The following CERT1 variants were observed in gnomAD, a reference collection of about 807,000 sequenced individuals.
CERT1 encodes ceramide transporter 1.
CERT1 carries 31 observed loss-of-function variants against 87.9 expected under a neutral mutation model. The observed-to-expected ratio is 0.35, with a 90% CI of 0.27 to 0.48. The LOEUF is 0.48. Among genes scored for constraint, CERT1 ranks in the 20% least tolerant of loss-of-function variants. The pLI is 0.99. For synonymous variants in CERT1, 289 were observed against 250.9 expected, an observed-to-expected ratio of 1.15 and a Z score of -1.44; for missense variants, 487 against 758.0, an observed-to-expected ratio of 0.64 and a Z score of 4.20.
intron 2 of CERT1, among the ~76,000 whole-genome samples, chr5:75,462,990 C>CAA (rs1174306526): frequency 0.09 from 3,442 of 38,062 alleles, 343 homozygotes; most frequent in African/African-American, 0.19. Context: ...GACTCCGTCT[C>CAA]AAAAAAAAAA....
At chr5:75,386,160 G>A (rs1761776810) in intron 12 of CERT1, 126 bp from the exon 13 acceptor site, 2 of 704,650 alleles carry the variant, frequency 2.8e-6, no homozygotes, top group Non-Finnish European at 2.0e-6. Flanking sequence ...AACATATTCT[G>A]CTAAAAGAAA....
In CERT1 at chr5:75,382,048, T is replaced by C. The variant is rs1165957288; in HGVS notation, c.1518A>G (p.Val506=). 2 of 1,613,898 alleles carry C rather than the reference T, an allele frequency of 1.2e-6. No homozygotes were observed. Among genetic ancestry groups the C allele is most frequent in the Non-Finnish European group, 8.5e-7 (1 of 1,179,940 alleles). ...TCTTTCGAATGACAGAAAGATATAA[T>C]ACGTCTCGCTGAGAAGCAGGCCACA... ...KRVWPASQRD[V]LYLSVIRKIP... The change falls in exon 15 of 17, where the codon GTA becomes GTG. Residue 506 remains valine, a synonymous_variant. Transcript: ENST00000643780.
At chr5:75,510,818 T>G (rs1767924628) in intron 1 of CERT1, among the ~76,000 whole-genome samples, 1 of 152,102 alleles carries the variant, frequency 6.6e-6, no homozygotes, top group Non-Finnish European at 1.5e-5. Context: ...CCGGATTCCT[T>G]ACACCCGGGA....
chr5:75,438,241 T>G (rs1402906445), intron 3 of CERT1, among the ~76,000 whole-genome samples: 1 of 152,194 alleles, frequency 6.6e-6, no homozygotes, highest in Non-Finnish European at 1.5e-5. Flanking sequence ...AAAAGTACTA[T>G]AGGGACCAAA....
In CERT1 at chr5:75,443,355, T is replaced by C. The variant is rs991268924; in HGVS notation, c.348+15710A>G. On this transcript the variant is annotated intron_variant, in intron 3 of 16. Transcript: ENST00000643780. ...AGTGTTTATGGCTATATTTCTCCCT[T>C]AGCACTGCTTTCACTGTATCCTCAA... Among the ~76,000 whole-genome samples the C allele has an allele frequency of 4.6e-5, 7 of 152,234 alleles. 1 individual carries two copies. The highest frequency in any genetic ancestry group is 1.4e-4 in the African/African-American group (6 of 41,470).
In CERT1 at chr5:75,430,027, A is replaced by C. The variant is rs200788522; in HGVS notation, c.349-3549T>G. Reference sequence around the variant, plus strand: ...CAGATGATGGATCTGGTCAAAATGGAAAAAAAAAAGAAAGAGGATGACGAG... The same window carrying C: ...CAGATGATGGATCTGGTCAAAATGGCAAAAAAAAAGAAAGAGGATGACGAG... On this transcript the variant is annotated intron_variant, in intron 3 of 16. Coordinates refer to ENST00000643780, the MANE Select transcript of CERT1 (RefSeq NM_001379029.1). Among the ~76,000 whole-genome samples, 8 of 148,538 alleles carry C rather than the reference A, an allele frequency of 5.4e-5. No individual in the cohort carries two copies. The East Asian group carries it at 7.8e-4, about 15-fold the overall frequency.
intron 8 of CERT1, 136 bp from the exon 9 acceptor site, chr5:75,403,194 T>C (rs1397650264): frequency 1.1e-5 from 7 of 631,036 alleles, no homozygotes; most frequent in Non-Finnish European, 2.0e-5. Context: ...GCAGTCAGTA[T>C]ACTAGATCAT....
chr5:75,374,051 A>G (rs1761185429), downstream of CERT1: 4 of 398,786 alleles, frequency 1.0e-5, no homozygotes, highest in East Asian at 1.4e-4. Flanking sequence ...TGCTATTGCA[A>G]TATTTTGTCA....
At chr5:75,432,173 T>C (rs1237678176) in intron 3 of CERT1, among the ~76,000 whole-genome samples, 5 of 151,044 alleles carry the variant, frequency 3.3e-5, no homozygotes, top group African/African-American at 1.2e-4. Context: ...CGCCTCAGCC[T>C]CCTGAATAGC....
At chr5:75,434,080 G>C (rs928713142) in intron 3 of CERT1, among the ~76,000 whole-genome samples, 6 of 152,058 alleles carry the variant, frequency 3.9e-5, no homozygotes, top group Admixed American at 1.3e-4. Context: ...GTTATCACAG[G>C]GGGTACTTCC....
At chr5:75,497,977 T>C (rs982580154) in intron 2 of CERT1, among the ~76,000 whole-genome samples, 13 of 152,190 alleles carry the variant, frequency 8.5e-5, no homozygotes, top group African/African-American at 2.9e-4. Context: ...ACCAAAATGC[T>C]GATAATGATA....
chr5:75,511,262 G>A lies in CERT1; in HGVS notation c.-55C>T, dbSNP rs748700181. 2.5e-6 allele frequency: 4 copies of A among 1,598,302 alleles called. No individual in the cohort carries two copies. The highest frequency in any genetic ancestry group is 3.4e-6 in the Non-Finnish European group (4 of 1,172,482). ...CCCCCGCTCCCTCAGCTGCGCCGGA[G>A]GAGGCGCCCAGTCCTCGGGGTGAAG... On this transcript the variant is annotated 5_prime_UTR_variant, in exon 1 of 17. Transcript: ENST00000643780.
At chr5:75,483,236 GATAAA>G (rs1204306407) in intron 2 of CERT1, among the ~76,000 whole-genome samples, 1 of 152,024 alleles carries the variant, frequency 6.6e-6, no homozygotes, top group Non-Finnish European at 1.5e-5. Flanking sequence ...AAATCCAATT[GATAAA>G]ATGAAATATA....
At chr5:75,496,644 A>T (rs1477860806) in intron 2 of CERT1, among the ~76,000 whole-genome samples, 1 of 152,252 alleles carries the variant, frequency 6.6e-6, no homozygotes, top group African/African-American at 2.4e-5. Flanking sequence ...AGCAATAAAA[A>T]GCAACAAGTT....
intron 2 of CERT1, among the ~76,000 whole-genome samples, chr5:75,469,935 G>A (rs988693752): frequency 3.3e-5 from 5 of 152,062 alleles, no homozygotes; most frequent in Non-Finnish European, 7.4e-5. Context: ...TCTATCAGAT[G>A]AAATAGACTT....
Position 75,400,233 on chromosome 5 carries a change from G to A in CERT1, c.1082C>T (p.Ser361Phe). The change falls in exon 10 of 17, where the codon TCT becomes TTT. Residue 361 changes from serine (S) to phenylalanine (F), a missense_variant. By Grantham distance (155) the Ser-to-Phe change is radical. Coordinates refer to ENST00000643780, the MANE Select transcript of CERT1 (RefSeq NM_001379029.1). ...TSLPSGDAFS[S>F]VGTHRFVQKP... ...TTGGACAAATCTATGTGTCCCCACA[G>A]AAGAAAAGGCATCTCCAGAGGGCAA... The A allele has an allele frequency of 1.2e-6, 2 of 1,613,342 alleles. No homozygotes were observed. The highest frequency in any genetic ancestry group is 8.5e-7 in the Non-Finnish European group (1 of 1,179,314).
chr5:75,396,333 G>A (rs532349513), intron 11 of CERT1, among the ~76,000 whole-genome samples: 154 of 152,164 alleles, frequency 1.0e-3, no homozygotes, highest in African/African-American at 3.4e-3. Context: ...TAAAAATGTC[G>A]ACTTAGTTTT....
At chr5:75,417,872 A>G (rs2112153573) in intron 6 of CERT1, among the ~76,000 whole-genome samples, 1 of 152,280 alleles carries the variant, frequency 6.6e-6, no homozygotes, top group South Asian at 2.1e-4. Context: ...AATAATAAAC[A>G]CTGGCTGGGC....
intron 2 of CERT1, 195 bp downstream of exon 2, chr5:75,505,785 CAT>C (rs1160664698): frequency 2.6e-6 from 1 of 385,070 alleles, no homozygotes; most frequent in African/African-American, 2.1e-5. Flanking sequence ...ATAAAAACTA[CAT>C]GTCTATGCAA....
Sources: allele counts gnomAD v4.1 joint callset (sites outside exome capture counted in the v4.1 genomes callset), GRCh38; gene constraint gnomAD v4.1.1; transcripts MANE v1.5; gene names NCBI Gene and HGNC (gene_info 2026-07-23, HGNC 2026-07-21).